Variants in ATP9A observed in about 807,000 individuals in gnomAD.
ATP9A encodes the protein ATPase phospholipid transporting 9A.
In ATP9A, 52 loss-of-function variants were observed where a neutral mutation model predicts 144.1. That is an observed-to-expected ratio of 0.36 (90% CI 0.29 to 0.45). ATP9A has a LOEUF of 0.45. Ranked by LOEUF, ATP9A falls within the 20% of genes least tolerant of loss-of-function variation. ATP9A has a pLI of 1.00. For missense variants in ATP9A, 947 were observed against 1,392.7 expected, an observed-to-expected ratio of 0.68 and a Z score of 5.09; for synonymous variants, 582 against 557.4, an observed-to-expected ratio of 1.04 and a Z score of -0.62.
chr20:51,711,805 A>G (rs2122848664), intron 4 of ATP9A, among the ~76,000 whole-genome samples: 1 of 151,522 alleles, frequency 6.6e-6, no homozygotes, highest in South Asian at 2.1e-4. Flanking sequence ...GTCAGTGATT[A>G]AAGCTTTTTC....
chr20:51,628,688 C>T (rs1269268493), intron 16 of ATP9A, among the ~76,000 whole-genome samples: 2 of 152,264 alleles, frequency 1.3e-5, no homozygotes, highest in Admixed American at 6.5e-5. Flanking sequence ...AGCTTGCTCA[C>T]AAATGGATCC....
At chr20:51,675,456 C>G (rs1425804590) in intron 10 of ATP9A, among the ~76,000 whole-genome samples, 2 of 152,156 alleles carry the variant, frequency 1.3e-5, no homozygotes, top group African/African-American at 2.4e-5. Context: ...GGGCACGGTG[C>G]TTCCTGAAGC....
At chr20:51,650,973 C>G (rs1251417300) in intron 14 of ATP9A, among the ~76,000 whole-genome samples, 3 of 139,500 alleles carry the variant, frequency 2.2e-5, no homozygotes, top group Non-Finnish European at 5.0e-5. Flanking sequence ...AGTCATATGA[C>G]TTTCTTTTTT....
intron 1 of ATP9A, among the ~76,000 whole-genome samples, chr20:51,739,591 C>T (rs989667997): frequency 1.3e-5 from 2 of 151,894 alleles, no homozygotes; most frequent in Non-Finnish European, 2.9e-5. Flanking sequence ...CCTGACCTCA[C>T]CTACACTCAC....
chr20:51,608,392 G>A lies in ATP9A; in HGVS notation c.2745+126C>T, dbSNP rs148917448. On this transcript the variant is annotated intron_variant, in intron 25 of 27. Coordinates refer to ENST00000338821, the MANE Select transcript of ATP9A (RefSeq NM_006045.3). ...AAAAGTAAAAAAGCTACCAGTTCAA[G>A]TGTGTTCAAATCAGAATTGGAGGGT... is the stretch of plus-strand genomic sequence containing the variant. The A allele has an allele frequency of 1.2e-4, 84 of 699,254 alleles. No individual in the cohort carries two copies. In the East Asian group the frequency reaches 1.9e-3, roughly 16 times the overall value. The allele number at this position is 699,254 out of a possible 1,614,324, so 43.3% of individuals were successfully genotyped here. A position where few individuals can be genotyped will look rare whatever the true frequency, so the allele number is the denominator to read the frequency against.
intron 9 of ATP9A, among the ~76,000 whole-genome samples, chr20:51,687,279 G>A (rs370103770): frequency 1.3e-5 from 2 of 152,106 alleles, no homozygotes; most frequent in Non-Finnish European, 2.9e-5. Flanking sequence ...ACCAAAGTAT[G>A]ATGAAAATAA....
intron 14 of ATP9A, among the ~76,000 whole-genome samples, chr20:51,652,969 G>A (rs2077372955): frequency 6.6e-6 from 1 of 151,934 alleles, no homozygotes; most frequent in Non-Finnish European, 1.5e-5. Context: ...AAATAGCCGG[G>A]CGTGGCAGCG....
rs527342394 is a variant in ATP9A, at chr20:51,722,366, T to G, written c.327+3453A>C. On this transcript the variant is annotated intron_variant, in intron 3 of 27. Transcript: ENST00000338821. ...TGGGACTTAACTAAACTGAAGAGCTTTTACACGGCAAGAGGAACAGTCAGC... is the reference window on the plus strand; with the variant it reads ...TGGGACTTAACTAAACTGAAGAGCTGTTACACGGCAAGAGGAACAGTCAGC... Among the ~76,000 whole-genome samples the G allele has an allele frequency of 2.0e-5, 3 of 152,260 alleles. No individual in the cohort carries two copies. The East Asian group carries it at 5.8e-4, about 29-fold the overall frequency.
Position 51,636,055 on chromosome 20 carries a change from GTTTAA to G in ATP9A, c.1668+3283_1668+3287del, listed in dbSNP as rs372909416. Among the ~76,000 whole-genome samples the G allele has an allele frequency of 1.3e-3, 199 of 152,226 alleles. 3 individuals are homozygous for G. The highest frequency in any genetic ancestry group is 4.7e-3 in the African/African-American group (194 of 41,540). ...CCTACACATACATACCTATGATAAA[GTTTAA>G]TTTATGAATTAGGCACAGTAAGAAA... On this transcript the variant is annotated intron_variant, in intron 15 of 27. Coordinates refer to ENST00000338821, the MANE Select transcript of ATP9A (RefSeq NM_006045.3).
intron 13 of ATP9A, among the ~76,000 whole-genome samples, chr20:51,661,998 T>G (rs570524598): frequency 5.3e-5 from 8 of 152,206 alleles, no homozygotes; most frequent in Non-Finnish European, 1.0e-4. Context: ...TTGTCACAAC[T>G]GTGAGGGGAC....
At chr20:51,732,689 G>C (rs907717598) in intron 1 of ATP9A, 1 of 147,740 alleles carries the variant, frequency 6.8e-6, no homozygotes, top group Non-Finnish European at 1.5e-5. Context: ...GACACACACA[G>C]AAGCCTCAAG....
At chr20:51,668,094 G>T (rs1267168965) in intron 13 of ATP9A, among the ~76,000 whole-genome samples, 1 of 42,966 alleles carries the variant, frequency 2.3e-5, no homozygotes, top group Non-Finnish European at 5.9e-5. Context: ...GGTGGGGGGG[G>T]GGGGGGGCGG....
At chr20:51,756,330 G>A (rs1029805933) in intron 1 of ATP9A, among the ~76,000 whole-genome samples, 8 of 149,114 alleles carry the variant, frequency 5.4e-5, no homozygotes, top group South Asian at 2.1e-4. Context: ...TCGCTCTGTC[G>A]CCCAGGCTGG....
At chr20:51,702,398 G>A (rs972104062) in intron 4 of ATP9A, among the ~76,000 whole-genome samples, 3 of 151,296 alleles carry the variant, frequency 2.0e-5, no homozygotes, top group African/African-American at 7.3e-5. Flanking sequence ...GTGTGTGTGT[G>A]TGTGTGCATG....
chr20:51,680,363 A>T (rs151091402), intron 9 of ATP9A, among the ~76,000 whole-genome samples: 104 of 152,224 alleles, frequency 6.8e-4, no homozygotes, highest in African/African-American at 2.3e-3. Context: ...CTCCACTAAA[A>T]GTTTGAGAAG....
chr20:51,745,991 G>A (rs958266945), intron 1 of ATP9A, among the ~76,000 whole-genome samples: 1 of 152,138 alleles, frequency 6.6e-6, no homozygotes, highest in Non-Finnish European at 1.5e-5. Flanking sequence ...GGAATACTAC[G>A]CAGCCATAAA....
At chr20:51,607,621 G>A (rs536937443) in intron 25 of ATP9A, 37 bp from the exon 26 acceptor site, 19 of 1,549,972 alleles carry the variant, frequency 1.2e-5, no homozygotes, top group Middle Eastern at 1.7e-4. Flanking sequence ...AGCCGGTTTC[G>A]CGGGGGGCTC....
rs140192404 is a variant in ATP9A, at chr20:51,712,657, C to T, written c.436+309G>A. Among the ~76,000 whole-genome samples, 331 of 152,318 alleles carry T rather than the reference C, an allele frequency of 2.2e-3. 2 individuals are homozygous for T. Among genetic ancestry groups the T allele is most frequent in the African/African-American group, 7.6e-3 (315 of 41,572 alleles). On this transcript the variant is annotated intron_variant, in intron 4 of 27. Coordinates refer to ENST00000338821, the MANE Select transcript of ATP9A (RefSeq NM_006045.3). ...CGCCCTACTTCCCTCTTCAGCCAGG[C>T]GGCAGAACGGGAAAGGGATTAGCCA...
In ATP9A at chr20:51,599,815, C is replaced by T. The variant is rs1056289182; in HGVS notation, c.*1396G>A. ...GGATATGTATTCATCAAGAAGTAAA[C>T]GCAAATCCAAGATCTCAACCACACT... On this transcript the variant is annotated 3_prime_UTR_variant, in exon 28 of 28. Coordinates refer to ENST00000338821, the MANE Select transcript of ATP9A (RefSeq NM_006045.3). 3.3e-5 allele frequency: 5 copies of T among 152,298 alleles called. No individual in the cohort carries two copies. Among genetic ancestry groups the T allele is most frequent in the African/African-American group, 4.8e-5 (2 of 41,566 alleles). 9.4% of individuals were successfully genotyped at this position (152,298 alleles called of 1,614,324 possible). A position where few individuals can be genotyped will look rare whatever the true frequency, so the allele number is the denominator to read the frequency against.
Sources: allele counts gnomAD v4.1 joint callset (sites outside exome capture counted in the v4.1 genomes callset), GRCh38; gene constraint gnomAD v4.1.1; transcripts MANE v1.5; gene names NCBI Gene and HGNC (gene_info 2026-07-23, HGNC 2026-07-21).